NEK11: variants seen among roughly 807,000 people sequenced by gnomAD.
NEK11 encodes NIMA related kinase 11.
In NEK11, 72 loss-of-function variants were observed where a neutral mutation model predicts 80.7. The observed-to-expected ratio is 0.89, with a 90% CI of 0.74 to 1.08. NEK11 has a LOEUF of 1.08. Among genes scored for constraint, NEK11 ranks in the 50% least tolerant of loss-of-function variants. NEK11 has a pLI of 0.00. For synonymous variants in NEK11, 251 were observed against 260.7 expected, an observed-to-expected ratio of 0.96 and a Z score of 0.36; for missense variants, 764 against 763.6, an observed-to-expected ratio of 1.00 and a Z score of -0.01.
intron 3 of NEK11, among the ~76,000 whole-genome samples, chr3:131,071,863 T>G (rs1168307853): frequency 6.6e-6 from 1 of 152,140 alleles, no homozygotes; most frequent in African/African-American, 2.4e-5. Context: ...TTAACTGCTT[T>G]CTAAGTAAGT....
At chr3:131,328,900 C>T (rs553825233) in intron 17 of NEK11, 1 of 152,332 alleles carries the variant, frequency 6.6e-6, no homozygotes, top group East Asian at 1.9e-4. Context: ...CTTATCTCCT[C>T]CAAGGAGTTG....
intron 17 of NEK11, among the ~76,000 whole-genome samples, chr3:131,297,762 G>A (rs1158597277): frequency 2.0e-5 from 3 of 152,144 alleles, no homozygotes; most frequent in African/African-American, 4.8e-5. Context: ...GAATGGTAAT[G>A]CCTAGGTTTT....
chr3:131,172,835 T>TA (rs1277334749), intron 14 of NEK11, among the ~76,000 whole-genome samples: 1 of 152,140 alleles, frequency 6.6e-6, no homozygotes, highest in Non-Finnish European at 1.5e-5. Context: ...ACCTTGCTGA[T>TA]AAAACAGGTT....
intron 6 of NEK11, 128 bp downstream of exon 6, chr3:131,132,937 T>A: frequency 1.9e-6 from 1 of 532,276 alleles, no homozygotes; most frequent in South Asian, 2.4e-5. Flanking sequence ...ATTTCTCAAA[T>A]TTTTAAGTAC....
intron 17 of NEK11, among the ~76,000 whole-genome samples, chr3:131,299,623 C>T (rs1159996289): frequency 6.6e-6 from 1 of 152,000 alleles, no homozygotes; most frequent in African/African-American, 2.4e-5. Flanking sequence ...TGAGAACATA[C>T]AGCATTTGGT....
At chr3:131,249,829 CTT>C (rs1561196324) in intron 16 of NEK11, among the ~76,000 whole-genome samples, 1 of 152,218 alleles carries the variant, frequency 6.6e-6, no homozygotes, top group South Asian at 2.1e-4. Context: ...CTTAAACTGA[CTT>C]TTAATTTTTC....
At chr3:131,218,638 T>G (rs2094921227) in intron 14 of NEK11, among the ~76,000 whole-genome samples, 1 of 152,128 alleles carries the variant, frequency 6.6e-6, no homozygotes, top group Admixed American at 6.6e-5. Flanking sequence ...AGACATGGCT[T>G]TTAGAGAGGT....
At chr3:131,058,040 T>C (rs2069958344) in intron 3 of NEK11, among the ~76,000 whole-genome samples, 1 of 151,602 alleles carries the variant, frequency 6.6e-6, no homozygotes, top group Non-Finnish European at 1.5e-5. Flanking sequence ...TTTAAGTCTT[T>C]AATCCATCTT....
At chr3:131,332,717 G>A (rs2097112215) in intron 17 of NEK11, among the ~76,000 whole-genome samples, 1 of 152,072 alleles carries the variant, frequency 6.6e-6, no homozygotes, top group Non-Finnish European at 1.5e-5. Flanking sequence ...TGAAAACTTT[G>A]AAAAAAATTT....
chr3:131,127,921 T>A (rs1362952455), intron 5 of NEK11, among the ~76,000 whole-genome samples: 1 of 152,246 alleles, frequency 6.6e-6, no homozygotes, highest in African/African-American at 2.4e-5. Flanking sequence ...TTTAGTTTTT[T>A]ACTAAGATAC....
At chr3:131,261,052 G>T (rs374477725) in intron 16 of NEK11, among the ~76,000 whole-genome samples, 1 of 152,132 alleles carries the variant, frequency 6.6e-6, no homozygotes, top group Non-Finnish European at 1.5e-5. Context: ...AACTGAAATG[G>T]GTAAAGGGAA....
intron 3 of NEK11, among the ~76,000 whole-genome samples, chr3:131,065,991 T>G (rs2071860462): frequency 6.6e-6 from 1 of 152,204 alleles, no homozygotes; most frequent in African/African-American, 2.4e-5. Flanking sequence ...ATATTTGGTC[T>G]GCTTGTTTGA....
chr3:131,232,482 G>A (rs2095349095), intron 15 of NEK11, among the ~76,000 whole-genome samples: 1 of 152,216 alleles, frequency 6.6e-6, no homozygotes, highest in Non-Finnish European at 1.5e-5. Flanking sequence ...TTTAATGAAT[G>A]TGGCTGTCAC....
chr3:131,177,876 C>A (rs2093126012), intron 14 of NEK11, among the ~76,000 whole-genome samples: 1 of 152,192 alleles, frequency 6.6e-6, no homozygotes, highest in African/African-American at 2.4e-5. Context: ...GGAATATGTT[C>A]TGAGAAATGT....
chr3:131,078,517 T>A (rs2074750623), intron 3 of NEK11, among the ~76,000 whole-genome samples: 1 of 152,148 alleles, frequency 6.6e-6, no homozygotes, highest in African/African-American at 2.4e-5. Context: ...GGGAATACTA[T>A]ACAATAGTGT....
At chr3:131,329,693 G>T (rs748717490) in intron 17 of NEK11, 2 of 152,230 alleles carry the variant, frequency 1.3e-5, no homozygotes, top group Non-Finnish European at 2.9e-5. Context: ...TGAGGGAAAA[G>T]ATTTGAAGGT....
chr3:131,328,328 T>G (rs1412646706), intron 17 of NEK11: 1 of 149,036 alleles, frequency 6.7e-6, no homozygotes, highest in Non-Finnish European at 1.5e-5. Flanking sequence ...AATTGCTGAA[T>G]GTGTCATGAC....
chr3:131,121,816 T>C (rs1421039512), intron 5 of NEK11, among the ~76,000 whole-genome samples: 1 of 152,122 alleles, frequency 6.6e-6, no homozygotes, highest in South Asian at 2.1e-4. Context: ...TGGTGTGCCA[T>C]TTGCTAAGAC....
At chr3:131,076,248 T>C (rs2074334669) in intron 3 of NEK11, among the ~76,000 whole-genome samples, 1 of 152,218 alleles carries the variant, frequency 6.6e-6, no homozygotes, top group Non-Finnish European at 1.5e-5. Flanking sequence ...GCTACAATAA[T>C]GTCTCATGAA....
Sources: gnomAD v4.1 joint callset for allele counts (sites outside exome capture counted in the v4.1 genomes callset) on GRCh38, gnomAD v4.1.1 for gene constraint, MANE v1.5 for transcripts, NCBI Gene and HGNC (gene_info 2026-07-23, HGNC 2026-07-21) for gene names.